Variants in SDK1 observed in about 807,000 individuals in gnomAD.
SDK1 encodes sidekick cell adhesion molecule 1, also known as protein sidekick-1.
Under a neutral mutation model 245.5 loss-of-function variants are expected in SDK1, and 157 were observed. That is an observed-to-expected ratio of 0.64 (90% CI 0.56 to 0.73). The LOEUF is 0.73. Among genes scored for constraint, SDK1 ranks in the 30% least tolerant of loss-of-function variants. The probability of loss-of-function intolerance (pLI) is 0.00; values close to 1 mark genes in which losing one functional copy is unlikely to be tolerated. For missense variants in SDK1, 3,583 were observed against 3,002.3 expected, an observed-to-expected ratio of 1.19 and a Z score of -4.52; for synonymous variants, 1,647 against 1,278.5, an observed-to-expected ratio of 1.29 and a Z score of -6.15.
intron 1 of SDK1, among the ~76,000 whole-genome samples, chr7:3,596,281 G>C (rs1037236534): frequency 6.6e-6 from 1 of 152,174 alleles, no homozygotes; most frequent in African/African-American, 2.4e-5. Flanking sequence ...TGAAATTTCA[G>C]TAATAGGCAG....
chr7:3,981,185 G>T (rs1396791488), intron 13 of SDK1, among the ~76,000 whole-genome samples: 1 of 152,120 alleles, frequency 6.6e-6, no homozygotes, highest in Non-Finnish European at 1.5e-5. Context: ...GATTGTATCT[G>T]TGATGGCACT....
intron 9 of SDK1, among the ~76,000 whole-genome samples, chr7:3,965,511 T>A (rs909512584): frequency 2.6e-5 from 4 of 152,128 alleles, no homozygotes; most frequent in Non-Finnish European, 5.9e-5. Context: ...GTTTTTTAAT[T>A]AAAATACCCT....
At chr7:3,580,968 C>CAATA (rs1780461391) in intron 1 of SDK1, among the ~76,000 whole-genome samples, 1 of 24,888 alleles carries the variant, frequency 4.0e-5, no homozygotes, top group Non-Finnish European at 8.5e-5. Context: ...GACTCCATCT[C>CAATA]AAAAAAAAAA....
At chr7:3,334,029 C>G (rs561054288) in intron 1 of SDK1, among the ~76,000 whole-genome samples, 169 of 152,206 alleles carry the variant, frequency 1.1e-3, no homozygotes, top group Non-Finnish European at 2.0e-3. Context: ...TTTCTCTCCC[C>G]ACTTAGTTCA....
intron 4 of SDK1, among the ~76,000 whole-genome samples, chr7:3,809,109 G>A (rs1314134131): frequency 1.3e-5 from 2 of 152,086 alleles, no homozygotes; most frequent in Non-Finnish European, 2.9e-5. Flanking sequence ...AAGCATGGTG[G>A]CATCTGCACC....
intron 14 of SDK1, among the ~76,000 whole-genome samples, chr7:3,994,330 G>A (rs1319926995): frequency 6.6e-6 from 1 of 152,150 alleles, no homozygotes; most frequent in Non-Finnish European, 1.5e-5. Context: ...CCCCAAAGTT[G>A]TTCCTCTTCC....
At chr7:3,321,829 CTCCTTTT>C (rs1294459836) in intron 1 of SDK1, among the ~76,000 whole-genome samples, 2 of 130,682 alleles carry the variant, frequency 1.5e-5, no homozygotes, top group Non-Finnish European at 1.6e-5. Context: ...TCCTTCCTTC[CTCCTTTT>C]CTCTCTCTCT....
intron 1 of SDK1, among the ~76,000 whole-genome samples, chr7:3,600,551 GTTTTTTTT>G (rs368644982): frequency 9.2e-6 from 1 of 109,054 alleles, no homozygotes. Context: ...ATTAGATGTA[GTTTTTTTT>G]TTTTTTTTTT....
chr7:3,857,550 G>A (rs954188346), intron 5 of SDK1, among the ~76,000 whole-genome samples: 5 of 152,030 alleles, frequency 3.3e-5, no homozygotes, highest in African/African-American at 1.2e-4. Context: ...AACCACGTGT[G>A]GTGGTGCATG....
intron 1 of SDK1, among the ~76,000 whole-genome samples, chr7:3,449,125 G>C (rs544742871): frequency 4.7e-4 from 72 of 152,302 alleles, no homozygotes; most frequent in African/African-American, 1.4e-3. Context: ...GATTCATTGA[G>C]TCCTTTCTTT....
chr7:3,415,838 A>G lies in SDK1; in HGVS notation c.298+113954A>G, dbSNP rs182069425. Among the ~76,000 whole-genome samples the G allele has an allele frequency of 5.7e-3, 865 of 152,206 alleles. 4 individuals are homozygous for G. The highest frequency in any genetic ancestry group is 8.4e-3 in the Admixed American group (129 of 15,280). On this transcript the variant is annotated intron_variant, in intron 1 of 44. Transcript: ENST00000404826. ...TTGCCTAGCACTTAAGTGTGAACAC[A>G]TATTTTTGAATGACTAACTGAATGA... is the stretch of plus-strand genomic sequence containing the variant.
rs542669724 is a variant in SDK1 at position 3,382,130 on chromosome 7, A to T, written c.298+80246A>T. Among the ~76,000 whole-genome samples the T allele has an allele frequency of 1.1e-3, 169 of 151,732 alleles. 2 individuals are homozygous for T. The highest frequency in any genetic ancestry group is 3.9e-3 in the African/African-American group (161 of 41,308). ...TTATTTTTATTTTTTATTTTTTTTC[A>T]AACTTAAACATTTTTTTTTGTGTAG... is the stretch of plus-strand genomic sequence containing the variant. On this transcript the variant is annotated intron_variant, in intron 1 of 44. Coordinates refer to ENST00000404826, the MANE Select transcript of SDK1 (RefSeq NM_152744.4).
In SDK1 at chr7:4,059,998, G is replaced by C. The variant is rs191787522; in HGVS notation, c.2912-7840G>C. 8.4e-3 allele frequency among the ~76,000 whole-genome samples: 1,272 copies of C among 151,552 alleles called. 6 individuals are homozygous for C. The highest frequency in any genetic ancestry group is 0.013 in the Non-Finnish European group (894 of 67,946). On this transcript the variant is annotated intron_variant, in intron 19 of 44. Coordinates refer to ENST00000404826, the MANE Select transcript of SDK1 (RefSeq NM_152744.4). ...AGGTTCACGCCATTGTCCTGCTTCA[G>C]CCTCCTCAGTAGCTGGGATTACAGG...
At chr7:4,129,872 C>T in intron 26 of SDK1, 36 bp from the exon 27 acceptor site, 1 of 1,610,200 alleles carries the variant, frequency 6.2e-7, no homozygotes, top group East Asian at 2.2e-5. Context: ...CTGGCACCCG[C>T]CTCCTGATAA....
chr7:3,971,475 C>G lies in SDK1; in HGVS notation c.1724C>G (p.Ser575Cys). ...CTTGTGTTTTTTTCAGATCGGACGT[C>G]CATCGTCCACCCTCCTGAGGACCAC... ...SATLTVWNRT[S>C]IVHPPEDHVV... Residue 575 changes from serine (S) to cysteine (C), a missense_variant, in exon 12 of 45, where the codon TCC becomes TGC. By Grantham distance (112) the Ser-to-Cys change is moderately radical. Transcript: ENST00000404826. 6.2e-7 allele frequency: 1 copy of G among 1,611,456 alleles called. No homozygotes were observed. Among genetic ancestry groups the G allele is most frequent in the Non-Finnish European group, 8.5e-7 (1 of 1,177,996 alleles).
chr7:3,893,775 C>A (rs547608203), intron 5 of SDK1, among the ~76,000 whole-genome samples: 5 of 151,926 alleles, frequency 3.3e-5, no homozygotes, highest in African/African-American at 1.2e-4. Flanking sequence ...TCTTACCCTG[C>A]CTTCTCCAGG....
chr7:4,228,054 A>G (rs1315600064), intron 40 of SDK1, among the ~76,000 whole-genome samples: 1 of 152,228 alleles, frequency 6.6e-6, no homozygotes, highest in Non-Finnish European at 1.5e-5. Flanking sequence ...GCCGTAAAAA[A>G]TGAAGATGCA....
At chr7:4,110,553 G>C (rs1301341769) in intron 22 of SDK1, 110 bp from the exon 23 acceptor site, 1 of 735,664 alleles carries the variant, frequency 1.4e-6, no homozygotes, top group Non-Finnish European at 2.4e-6. Flanking sequence ...GTGTGGGGAC[G>C]CCTTGCAGCC....
At chr7:3,995,136 C>G (rs1303110324) in intron 14 of SDK1, among the ~76,000 whole-genome samples, 1 of 152,186 alleles carries the variant, frequency 6.6e-6, no homozygotes, top group African/African-American at 2.4e-5. Context: ...TCCGATTTAT[C>G]TCCAGCCACT....
Sources: gnomAD v4.1 joint callset for allele counts (sites outside exome capture counted in the v4.1 genomes callset) on GRCh38, gnomAD v4.1.1 for gene constraint, MANE v1.5 for transcripts, NCBI Gene and HGNC (gene_info 2026-07-23, HGNC 2026-07-21) for gene names.